ZNF215: variants seen among roughly 807,000 people sequenced by gnomAD.
The protein encoded by ZNF215 is BWSCR2-associated zinc finger protein 2.
ZNF215 carries 24 observed loss-of-function variants against 27.2 expected under a neutral mutation model. The ratio of observed to expected loss-of-function variants is 0.88; its 90% confidence interval spans 0.64 to 1.24. ZNF215 has a LOEUF of 1.24. Among genes scored for constraint, ZNF215 ranks in the 50% most tolerant of loss-of-function variants. The probability of loss-of-function intolerance (pLI) is 0.00; values close to 1 mark genes in which losing one functional copy is unlikely to be tolerated. For missense variants in ZNF215, 675 were observed against 605.7 expected, an observed-to-expected ratio of 1.11 and a Z score of -1.20; for synonymous variants, 210 against 204.0, an observed-to-expected ratio of 1.03 and a Z score of -0.25.
At chr11:6,987,504 T>C (rs1157314717), downstream of ZNF215, among the ~76,000 whole-genome samples, 1 of 152,120 alleles carries the variant, frequency 6.6e-6, no homozygotes, top group African/African-American at 2.4e-5. Context: ...AACTTGCACA[T>C]GTATCCCCGA....
At chr11:6,935,436 G>C (rs1361018937) in intron 3 of ZNF215, among the ~76,000 whole-genome samples, 1 of 152,114 alleles carries the variant, frequency 6.6e-6, no homozygotes, top group South Asian at 2.1e-4. Flanking sequence ...AAATCTCTGT[G>C]GTATCACAAG....
chr11:6,967,623 G>C lies in ZNF215; in HGVS notation c.805+11841G>C, dbSNP rs529858395. Among the ~76,000 whole-genome samples the C allele has an allele frequency of 2.2e-3, 335 of 150,732 alleles. 1 individual carries two copies. The highest frequency in any genetic ancestry group is 7.6e-3 in the African/African-American group (316 of 41,322). On this transcript the variant is annotated intron_variant, in intron 5 of 5. Coordinates refer to the ZNF215 transcript ENST00000529903. Reference sequence around the variant, plus strand: ...TGTCGTATTTTGAGAGGCATCTGTTGATACCCTTTTGTTTGTTTTTTTCTT... The same window carrying C: ...TGTCGTATTTTGAGAGGCATCTGTTCATACCCTTTTGTTTGTTTTTTTCTT...
chr11:6,961,822 C>T (rs537421928), downstream of ZNF215, among the ~76,000 whole-genome samples: 16 of 152,252 alleles, frequency 1.1e-4, no homozygotes, highest in East Asian at 2.5e-3. Context: ...CTTGCACTCT[C>T]GACACCTTGT....
intron 5 of ZNF215, among the ~76,000 whole-genome samples, chr11:6,968,613 C>T (rs1304381863): frequency 1.3e-5 from 2 of 149,984 alleles, no homozygotes; most frequent in Non-Finnish European, 3.0e-5. Context: ...CACCTGTAAT[C>T]CCAGCACTTT....
chr11:6,957,209 A>C lies in ZNF215; in HGVS notation c.*678A>C, dbSNP rs541562216. On this transcript the variant is annotated 3_prime_UTR_variant, in exon 7 of 7. Transcript: ENST00000278319. ...CCTTGAAAAATGTTTTTGTTTTGTT[A>C]TAATGTTATAATTGTTATGATGTTG... 1 of 982,810 alleles carries C rather than the reference A, an allele frequency of 1.0e-6. No homozygotes were observed. The highest frequency in any genetic ancestry group is 4.7e-5 in the South Asian group (1 of 21,242). The allele number at this position is 982,810 out of a possible 1,614,324, so 60.9% of individuals were successfully genotyped here.
At position 6,932,204 on chromosome 11, in the gene ZNF215, C is replaced by G. The variant is rs1849285745; in HGVS notation, c.-69C>G. 1.9e-6 allele frequency: 3 copies of G among 1,556,136 alleles called. No individual in the cohort carries two copies. The highest frequency in any genetic ancestry group is 2.5e-5 in the South Asian group (2 of 80,932). On this transcript the variant is annotated 5_prime_UTR_variant, in exon 3 of 7. Coordinates refer to ENST00000278319, the MANE Select transcript of ZNF215 (RefSeq NM_013250.4). ...CTGCATATAGTACACAGGTGCTTAG[C>G]TCAAGCCTGAGAATTACTGCAATCT... is the stretch of plus-strand genomic sequence containing the variant.
intron 4 of ZNF215, 56 bp downstream of exon 4, chr11:6,941,709 G>C: frequency 1.3e-6 from 2 of 1,570,990 alleles, no homozygotes; most frequent in East Asian, 2.3e-5. Context: ...AGTATTACCT[G>C]CTTTCAATTT....
intron 6 of ZNF215, among the ~76,000 whole-genome samples, chr11:6,953,253 CTG>C (rs1236879748): frequency 6.6e-6 from 1 of 152,160 alleles, no homozygotes; most frequent in African/African-American, 2.4e-5. Context: ...GTGGCATTCT[CTG>C]TATTTCCTGA....
At chr11:6,969,847 C>T in intron 5 of ZNF215, among the ~76,000 whole-genome samples, 1 of 152,150 alleles carries the variant, frequency 6.6e-6, no homozygotes. Context: ...GTGGTGCAAT[C>T]TTGGCTCACT....
Position 6,956,137 on chromosome 11 carries a change from C to T in ZNF215, c.1160C>T (p.Ala387Val). Reference sequence around the variant, plus strand: ...TATGAATGTTATCAATGTGGGAAAGCCTTCTGCCGAAGTTCATCCCTTATT... The same window carrying T: ...TATGAATGTTATCAATGTGGGAAAGTCTTCTGCCGAAGTTCATCCCTTATT... ...NSYECYQCGK[A>V]FCRSSSLIRH... is the part of the protein sequence containing the mutation. The change falls in exon 7 of 7, where the codon GCC (alanine) becomes GTC (valine). Residue 387 changes from alanine to valine, a missense_variant. By Grantham distance (64) the Ala-to-Val change is moderately conservative (BLOSUM62 0). Transcript: ENST00000278319. 7 of 1,613,722 alleles carry T rather than the reference C, an allele frequency of 4.3e-6. No individual in the cohort carries two copies. The highest frequency in any genetic ancestry group is 5.1e-6 in the Non-Finnish European group (6 of 1,179,960).
Position 6,943,602 on chromosome 11 carries a change from T to C in ZNF215, c.673T>C (p.Trp225Arg). 6.2e-7 allele frequency: 1 copy of C among 1,614,026 alleles called. No individual in the cohort carries two copies. The highest frequency in any genetic ancestry group is 2.2e-5 in the East Asian group (1 of 44,854). ...TAAGTTGGAGAGTAAGAAAAAAAGATGGATAATGGAGAAAGAAATACCAAG... is the reference window on the plus strand; with the variant it reads ...TAAGTTGGAGAGTAAGAAAAAAAGACGGATAATGGAGAAAGAAATACCAAG... ...SLKLESKKKR[W>R]IMEKEIPRKT... Residue 225 changes from tryptophan to arginine, a missense_variant, in exon 6 of 7, where the codon TGG becomes CGG. Transcript: ENST00000278319.
chr11:6,956,956 A>G lies in ZNF215; in HGVS notation c.*425A>G. 1 of 990,832 alleles carries G rather than the reference A, an allele frequency of 1.0e-6. No homozygotes were observed. Among genetic ancestry groups the G allele is most frequent in the African/African-American group, 1.7e-5 (1 of 57,426 alleles). 61.4% of individuals were successfully genotyped at this position (990,832 alleles called of 1,614,324 possible). ...AGCCCTTTTAAGAAGGTCACAAGAA[A>G]TCATTAGCTCATGCGAATATAAGAG... On this transcript the variant is annotated 3_prime_UTR_variant, in exon 7 of 7. Transcript: ENST00000278319.
chr11:6,975,568 G>A (rs749286564), intron 5 of ZNF215, among the ~76,000 whole-genome samples: 7 of 151,756 alleles, frequency 4.6e-5, no homozygotes, highest in Non-Finnish European at 1.0e-4. Context: ...CTCTACGTCC[G>A]TGAGTTCAAT....
rs2133159007 is a variant in ZNF215, at chr11:6,932,739, T to C, written c.400+67T>C. ...CCCATGTAAAGAGAAATTATCTTTT[T>C]TTGAGGCCAGAGAGTATCAAGTGCC... On this transcript the variant is annotated intron_variant, in intron 3 of 6. Coordinates refer to ENST00000278319, the MANE Select transcript of ZNF215 (RefSeq NM_013250.4). 4 of 1,460,846 alleles carry C rather than the reference T, an allele frequency of 2.7e-6. No individual in the cohort carries two copies. In the South Asian group the frequency reaches 4.2e-5, roughly 15 times the overall value. 90.5% of individuals were successfully genotyped at this position (1,460,846 alleles called of 1,614,324 possible).
At chr11:6,965,610 A>G (rs1850602627) in intron 5 of ZNF215, among the ~76,000 whole-genome samples, 1 of 152,152 alleles carries the variant, frequency 6.6e-6, no homozygotes, top group Non-Finnish European at 1.5e-5. Context: ...AGGTTTCAGC[A>G]TACAGATCTT....
chr11:6,975,829 T>C (rs1199557343), intron 5 of ZNF215, among the ~76,000 whole-genome samples: 4 of 152,152 alleles, frequency 2.6e-5, no homozygotes, highest in African/African-American at 4.8e-5. Context: ...AGATATTTCT[T>C]TGATATACTG....
chr11:6,932,385 T>A lies in ZNF215; in HGVS notation c.113T>A (p.Val38Asp). The stretch of plus-strand genomic sequence containing the variant: ...TCTTGGCAGCAGGAAACCAACCCCG[T>A]CGTGGAGACACATGACTCTGAGGCA... ...DMSWQQETNP[V>D]VETHDSEASR... The change falls in exon 3 of 7, where the codon GTC (valine) becomes GAC (aspartate). Residue 38 changes from valine to aspartate, a missense_variant. Val to Asp is a radical substitution (Grantham distance 152, BLOSUM62 -3). Coordinates refer to ENST00000278319, the MANE Select transcript of ZNF215 (RefSeq NM_013250.4). The A allele has an allele frequency of 6.2e-7, 1 of 1,614,148 alleles. No individual in the cohort carries two copies. Among genetic ancestry groups the A allele is most frequent in the Non-Finnish European group, 8.5e-7 (1 of 1,180,030 alleles).
chr11:6,973,928 G>A (rs1184873125), intron 5 of ZNF215, among the ~76,000 whole-genome samples: 2 of 152,148 alleles, frequency 1.3e-5, no homozygotes, highest in Non-Finnish European at 2.9e-5. Context: ...TTTGGCTTTT[G>A]TTGCTATTGC....
intron 5 of ZNF215, among the ~76,000 whole-genome samples, chr11:6,979,195 A>G (rs892363237): frequency 2.6e-5 from 4 of 152,036 alleles, no homozygotes; most frequent in African/African-American, 7.2e-5. Flanking sequence ...GTCCAACTCT[A>G]TGATACTGTA....
Sources: gnomAD v4.1 joint callset for allele counts (sites outside exome capture counted in the v4.1 genomes callset) on GRCh38, gnomAD v4.1.1 for gene constraint, MANE v1.5 for transcripts, NCBI Gene and HGNC (gene_info 2026-07-23, HGNC 2026-07-21) for gene names.